The following PDE7B variants were observed in gnomAD, a reference collection of about 807,000 sequenced individuals.
The protein encoded by PDE7B is phosphodiesterase 7B, also known as 3',5'-cyclic-AMP phosphodiesterase 7B.
In PDE7B, 29 loss-of-function variants were observed where a neutral mutation model predicts 56.2. The ratio of observed to expected loss-of-function variants is 0.52; its 90% CI spans 0.38 to 0.70. The LOEUF is 0.70. Ranked by LOEUF, PDE7B falls within the 30% of genes least tolerant of loss-of-function variation. PDE7B has a pLI of 0.00. For missense variants in PDE7B, 490 were observed against 565.0 expected (o/e 0.87, Z 1.35); for synonymous variants, 197 against 196.9 (o/e 1.00, Z 0.00).
chr6:135,862,146 C>T (rs114694816), intron 1 of PDE7B, among the ~76,000 whole-genome samples: 150 of 151,778 alleles, frequency 9.9e-4, no homozygotes, highest in African/African-American at 3.3e-3. Flanking sequence ...AAGGGGTAAT[C>T]GTGGCAATAT....
chr6:135,968,262 T>C lies in PDE7B; in HGVS notation c.82+20738T>C, dbSNP rs145971387. 2.0e-4 allele frequency among the ~76,000 whole-genome samples: 31 copies of C among 152,224 alleles called. No homozygotes were observed. In the East Asian group the frequency reaches 5.6e-3, roughly 27 times the overall value. ...ATAGGCACGGGCAAAGATTTCATGA[T>C]GAAAATGTCAAAAGCAATTGCAACA... is the stretch of plus-strand genomic sequence containing the variant. On this transcript the variant is annotated intron_variant, in intron 2 of 12. Coordinates refer to ENST00000308191, the MANE Select transcript of PDE7B (RefSeq NM_018945.4).
intron 2 of PDE7B, among the ~76,000 whole-genome samples, chr6:135,998,988 A>G (rs1270988016): frequency 6.6e-6 from 1 of 152,058 alleles, no homozygotes; most frequent in East Asian, 1.9e-4. Flanking sequence ...TTTTGCTAAT[A>G]TAATATAATA....
At chr6:136,160,134 C>A (rs1778678140) in intron 8 of PDE7B, among the ~76,000 whole-genome samples, 1 of 152,116 alleles carries the variant, frequency 6.6e-6, no homozygotes, top group Non-Finnish European at 1.5e-5. Flanking sequence ...ACTCCTTCAA[C>A]TTTAAGATGA....
chr6:136,121,529 G>A (rs1056250775), intron 3 of PDE7B, among the ~76,000 whole-genome samples: 1 of 152,146 alleles, frequency 6.6e-6, no homozygotes, highest in African/African-American at 2.4e-5. Flanking sequence ...AAAGGAGAAA[G>A]GGTAAACTAG....
intron 3 of PDE7B, among the ~76,000 whole-genome samples, chr6:136,118,169 C>G (rs1777871482): frequency 6.6e-6 from 1 of 152,136 alleles, no homozygotes; most frequent in African/African-American, 2.4e-5. Flanking sequence ...CCAGCCACCT[C>G]TTCTCCTAGG....
intron 3 of PDE7B, among the ~76,000 whole-genome samples, chr6:136,142,919 G>T (rs550522564): frequency 2.6e-4 from 39 of 152,220 alleles, no homozygotes; most frequent in African/African-American, 9.1e-4. Flanking sequence ...GCCAGTCTGT[G>T]TCTTTTAATT....
At chr6:136,142,158 T>G (rs1778337925) in intron 3 of PDE7B, among the ~76,000 whole-genome samples, 1 of 152,212 alleles carries the variant, frequency 6.6e-6, no homozygotes, top group Admixed American at 6.5e-5. Context: ...TGTTGTGTCT[T>G]TGTTCTCACT....
chr6:136,113,450 A>G (rs183786430), intron 3 of PDE7B, among the ~76,000 whole-genome samples: 2 of 152,346 alleles, frequency 1.3e-5, no homozygotes, highest in African/African-American at 2.4e-5. Context: ...AGTCATCTCT[A>G]TGAACTTCTT....
At chr6:136,001,109 G>A (rs973393757) in intron 2 of PDE7B, among the ~76,000 whole-genome samples, 5 of 152,186 alleles carry the variant, frequency 3.3e-5, no homozygotes, top group Non-Finnish European at 7.3e-5. Context: ...TGGACCTCTA[G>A]CAAACTCCAA....
chr6:135,999,332 A>G (rs1403904645), intron 2 of PDE7B, among the ~76,000 whole-genome samples: 1 of 152,144 alleles, frequency 6.6e-6, no homozygotes, highest in Non-Finnish European at 1.5e-5. Flanking sequence ...CTTGTGTCAC[A>G]AGGGTTTACT....
intron 1 of PDE7B, among the ~76,000 whole-genome samples, chr6:135,856,237 C>T (rs1775024312): frequency 6.6e-6 from 1 of 152,144 alleles, no homozygotes. Context: ...ACAGTCACCT[C>T]TCCTCGCTCC....
chr6:135,894,530 G>A lies in PDE7B; in HGVS notation c.21+42511G>A, dbSNP rs376546724. On this transcript the variant is annotated intron_variant, in intron 1 of 12. Transcript: ENST00000308191. ...GTAAGGACTCCAAGGAAACAAGAGCGTTCTGTTCTAAGACAGAAACATGAG... is the reference window on the plus strand; with the variant it reads ...GTAAGGACTCCAAGGAAACAAGAGCATTCTGTTCTAAGACAGAAACATGAG... 5.9e-5 allele frequency among the ~76,000 whole-genome samples: 9 copies of A among 152,132 alleles called. 1 individual carries two copies. The highest frequency in any genetic ancestry group is 6.6e-5 in the Admixed American group (1 of 15,254).
At chr6:135,935,380 A>G (rs1774404869) in intron 1 of PDE7B, among the ~76,000 whole-genome samples, 1 of 150,542 alleles carries the variant, frequency 6.6e-6, no homozygotes. Flanking sequence ...TAGTGGAGTA[A>G]TGGCATCAAA....
chr6:135,916,232 TTGTTG>T (rs945518410), intron 1 of PDE7B, among the ~76,000 whole-genome samples: 16 of 148,906 alleles, frequency 1.1e-4, no homozygotes, highest in East Asian at 1.9e-4. Flanking sequence ...GTTGTTGTTG[TTGTTG>T]TGTTAAGTTT....
chr6:135,973,091 A>AGGATAGTATTATAGTTCTATTTT (rs1412572306), intron 2 of PDE7B, among the ~76,000 whole-genome samples: 7 of 152,300 alleles, frequency 4.6e-5, no homozygotes, highest in African/African-American at 1.2e-4. Flanking sequence ...TTCATCTTGC[A>AGGATAGTATTATAGTTCTATTTT]TAACTGAAAC....
intron 8 of PDE7B, among the ~76,000 whole-genome samples, chr6:136,173,369 C>T (rs1408939686): frequency 6.6e-6 from 1 of 152,122 alleles, no homozygotes; most frequent in Non-Finnish European, 1.5e-5. Context: ...ACTATCTGAT[C>T]TTTGACAAAC....
At chr6:136,000,043 G>A (rs1009089387) in intron 2 of PDE7B, among the ~76,000 whole-genome samples, 6 of 152,096 alleles carry the variant, frequency 3.9e-5, no homozygotes, top group Non-Finnish European at 7.4e-5. Context: ...CCACATGTAT[G>A]TCTTTAGAAA....
intron 2 of PDE7B, among the ~76,000 whole-genome samples, chr6:136,001,615 A>T (rs1003899421): frequency 6.6e-6 from 1 of 152,248 alleles, no homozygotes; most frequent in African/African-American, 2.4e-5. Flanking sequence ...GGAAGATGAA[A>T]TGAATGAAAT....
At chr6:135,991,742 C>A (rs1183196061) in intron 2 of PDE7B, among the ~76,000 whole-genome samples, 1 of 152,080 alleles carries the variant, frequency 6.6e-6, no homozygotes, top group Non-Finnish European at 1.5e-5. Flanking sequence ...ACAAAACCAG[C>A]TGAAGGCAGA....
Sources: allele counts gnomAD v4.1 joint callset (sites outside exome capture counted in the v4.1 genomes callset), GRCh38; gene constraint gnomAD v4.1.1; transcripts MANE v1.5; gene names NCBI Gene and HGNC (gene_info 2026-07-23, HGNC 2026-07-21).